Variants in RYR1 observed in about 807,000 individuals in gnomAD.
RYR1 encodes the protein central core disease of muscle.
A neutral mutation model predicts 583.5 loss-of-function variants in RYR1; 342 were observed. The observed-to-expected ratio is 0.59, with a 90% CI of 0.54 to 0.64. The LOEUF is 0.64. RYR1 is among the 30% of genes least tolerant of loss of function. The pLI is 0.00. For missense variants in RYR1, 6,032 were observed against 6,917.2 expected (o/e 0.87, Z 4.54); for synonymous variants, 2,791 against 2,822.5 (o/e 0.99, Z 0.35).
intron 31 of RYR1, among the ~76,000 whole-genome samples, chr19:38,481,656 G>A (rs536415904): frequency 3.3e-5 from 5 of 152,288 alleles, no homozygotes; most frequent in Admixed American, 1.3e-4. Context: ...TCTAGTCATG[G>A]GCACCTGCAG....
chr19:38,507,449 T>G (rs1970521503), intron 57 of RYR1, among the ~76,000 whole-genome samples: 1 of 131,742 alleles, frequency 7.6e-6, no homozygotes, highest in South Asian at 2.4e-4. Context: ...AGAGAAGGGC[T>G]GAGAAGGGCA....
At chr19:38,519,525 C>T (rs982478684) in intron 67 of RYR1, 71 bp downstream of exon 67, 21 of 1,512,098 alleles carry the variant, frequency 1.4e-5, no homozygotes, top group African/African-American at 4.1e-5. Context: ...ATCTGATCTC[C>T]GCCTCCTGAC....
intron 12 of RYR1, among the ~76,000 whole-genome samples, chr19:38,452,615 A>G (rs1213618683): frequency 1.3e-5 from 2 of 151,872 alleles, no homozygotes; most frequent in Non-Finnish European, 2.9e-5. Context: ...ACCCCCCTGT[A>G]CCTACACAGG....
At chr19:38,549,599 T>C (rs1390286979) in intron 89 of RYR1, among the ~76,000 whole-genome samples, 1 of 152,022 alleles carries the variant, frequency 6.6e-6, no homozygotes, top group East Asian at 1.9e-4. Context: ...TATAGAGACG[T>C]TGCAAGAACA....
At chr19:38,493,885 G>GTGCT (rs1969676315) in intron 38 of RYR1, among the ~76,000 whole-genome samples, 1 of 152,158 alleles carries the variant, frequency 6.6e-6, no homozygotes, top group Admixed American at 6.5e-5. Context: ...GCATGGCGAA[G>GTGCT]TGCTTCTGGT....
At chr19:38,441,737 TG>T (rs374583989) in intron 2 of RYR1, among the ~76,000 whole-genome samples, 6 of 96,356 alleles carry the variant, frequency 6.2e-5, no homozygotes, top group African/African-American at 1.9e-4. Flanking sequence ...TGGAATCTGA[TG>T]GGGGGGAAGT....
At chr19:38,545,074 GA>G (rs1027005419) in intron 87 of RYR1, among the ~76,000 whole-genome samples, 14 of 144,754 alleles carry the variant, frequency 9.7e-5, no homozygotes, top group African/African-American at 1.3e-4. Context: ...AAAGCTCCAA[GA>G]AAAAAAAAAA....
Position 38,494,534 on chromosome 19 carries a change from ATGAGCC to A in RYR1, c.6460_6465del (p.Ser2154_Leu2155del). 6.2e-7 allele frequency: 1 copy of A among 1,614,006 alleles called. No homozygotes were observed. Among genetic ancestry groups the A allele is most frequent in the Non-Finnish European group, 8.5e-7 (1 of 1,180,038 alleles). On this transcript the variant is annotated inframe_deletion, in exon 39 of 106. Transcript: ENST00000359596. ...CTCACCGTCCTCCGTGGAAGACACC[ATGAGCC>A]TGCTCGAGTGCCTCGGCCAGATCCG...
intron 89 of RYR1, among the ~76,000 whole-genome samples, chr19:38,558,685 A>G (rs1972985880): frequency 6.6e-6 from 1 of 152,316 alleles, no homozygotes; most frequent in East Asian, 1.9e-4. Flanking sequence ...AGACTGAGGC[A>G]GGAGAATCGC....
At position 38,517,492 on chromosome 19, in the gene RYR1, G is replaced by A. The variant is rs766177670; in HGVS notation, c.9819G>A (p.Thr3273=). 1.5e-5 allele frequency: 25 copies of A among 1,613,962 alleles called. No individual in the cohort carries two copies. The highest frequency in any genetic ancestry group is 1.2e-4 in the African/African-American group (9 of 74,888). Residue 3273 remains threonine (T), a synonymous_variant, in exon 66 of 106, where the codon ACG becomes ACA. Coordinates refer to ENST00000359596, the MANE Select transcript of RYR1 (RefSeq NM_000540.3). The part of the protein sequence containing the change: ...YTEMPHVIEI[T]LPMLCSYLPR... ...AGATGCCGCATGTCATCGAGATCAC[G>A]CTGCCCATGCTATGCAGCTACCTGC...
chr19:38,438,616 CTTTTTT>C (rs71165544), intron 1 of RYR1, among the ~76,000 whole-genome samples: 2 of 93,964 alleles, frequency 2.1e-5, no homozygotes, highest in African/African-American at 8.2e-5. Flanking sequence ...CCAGGCTAGT[CTTTTTT>C]TTTTTTTTTT....
At position 38,505,294 on chromosome 19, in the gene RYR1, C is replaced by T; in HGVS notation, c.8311-15C>T. On this transcript the variant is annotated splice_polypyrimidine_tract_variant and intron_variant, in intron 52 of 105. Transcript: ENST00000359596. ...CTGCTGCCTCCCCCTCACCCTGCCTCCCCTCCATCTCTAGATCCAGAACAA... is the reference window on the plus strand; with the variant it reads ...CTGCTGCCTCCCCCTCACCCTGCCTTCCCTCCATCTCTAGATCCAGAACAA... 6.3e-7 allele frequency: 1 copy of T among 1,585,790 alleles called. No homozygotes were observed. Among genetic ancestry groups the T allele is most frequent in the Non-Finnish European group, 8.6e-7 (1 of 1,156,810 alleles).
At chr19:38,510,377 C>T in intron 58 of RYR1, 121 bp from the exon 59 acceptor site, 2 of 954,612 alleles carry the variant, frequency 2.1e-6, no homozygotes, top group East Asian at 5.1e-5. Flanking sequence ...ACACAAATGA[C>T]TTCATACCAA....
In RYR1 at chr19:38,486,128, C is replaced by A. The variant is rs375106396; in HGVS notation, c.5473C>A (p.His1825Asn). Residue 1825 changes from histidine (H) to asparagine (N), a missense_variant, in exon 34 of 106, where the codon CAC (histidine) becomes AAC (asparagine). His to Asn is a moderately conservative substitution (Grantham distance 68). Coordinates refer to ENST00000359596, the MANE Select transcript of RYR1 (RefSeq NM_000540.3). ...LGEAVRDGGQ[H>N]ARDPVGGSVE... ...GGAGGCGGTGCGCGACGGTGGGCAG[C>A]ACGCTCGCGACCCCGTCGGGGGCTC... 6.2e-7 allele frequency: 1 copy of A among 1,613,030 alleles called. No homozygotes were observed. The highest frequency in any genetic ancestry group is 1.3e-5 in the African/African-American group (1 of 74,922).
Position 38,473,699 on chromosome 19 carries a change from C to T in RYR1, c.4088C>T (p.Ala1363Val), listed in dbSNP as rs774603798. 1.6e-4 allele frequency: 240 copies of T among 1,545,066 alleles called. 2 individuals carry two copies. The African/African-American group carries it at 2.5e-3, about 16-fold the overall frequency. The change falls in exon 28 of 106, where the codon GCG becomes GTG. Residue 1363 changes from alanine (A) to valine (V), a missense_variant. By Grantham distance (64) the Ala-to-Val change is moderately conservative. Coordinates refer to ENST00000359596, the MANE Select transcript of RYR1 (RefSeq NM_000540.3). ...KEGAPGGTPQ[A>V]GGEAQPARAE... ...GGCGCCCCCGGGGGCACCCCGCAGG[C>T]GGGGGGAGAGGCGCAGCCCGCCAGG...
intron 24 of RYR1, 25 bp from the exon 25 acceptor site, chr19:38,467,585 T>C: frequency 6.2e-7 from 1 of 1,613,754 alleles, no homozygotes; most frequent in South Asian, 1.1e-5. Context: ...CTAGCCTCTC[T>C]GACTCTGCCT....
intron 92 of RYR1, among the ~76,000 whole-genome samples, chr19:38,567,445 C>T (rs1042022432): frequency 7.9e-5 from 12 of 152,318 alleles, no homozygotes; most frequent in Middle Eastern, 6.8e-3. Flanking sequence ...CTGAGTCTTT[C>T]TCATCCTTTC....
intron 92 of RYR1, 87 bp from the exon 93 acceptor site, chr19:38,567,686 C>T (rs1190603256): frequency 3.9e-5 from 63 of 1,600,750 alleles, no homozygotes; most frequent in South Asian, 5.5e-5. Context: ...AGGCACAGGG[C>T]GGGCCCTTGG....
chr19:38,475,602 C>A, intron 29 of RYR1, 152 bp downstream of exon 29: 2 of 1,015,302 alleles, frequency 2.0e-6, no homozygotes, highest in Non-Finnish European at 3.0e-6. Context: ...ATGGCACACA[C>A]AGATTTAATC....
Sources: gnomAD v4.1 joint callset for allele counts (sites outside exome capture counted in the v4.1 genomes callset) on GRCh38, gnomAD v4.1.1 for gene constraint, MANE v1.5 for transcripts, NCBI Gene and HGNC (gene_info 2026-07-23, HGNC 2026-07-21) for gene names.